UPP2: variants seen among roughly 807,000 people sequenced by gnomAD.
UPP2 encodes uridine phosphorylase 2.
Under a neutral mutation model 26.7 loss-of-function variants are expected in UPP2, and 23 were observed. The observed-to-expected ratio is 0.86, with a 90% CI of 0.62 to 1.22. The LOEUF (loss-of-function observed/expected upper bound fraction) is 1.22, where lower values mean the gene tolerates loss of function less well. UPP2 is among the 50% of genes most tolerant of loss of function. The probability of loss-of-function intolerance (pLI) is 0.00; values close to 1 mark genes in which losing one functional copy is unlikely to be tolerated. For synonymous variants in UPP2, 127 were observed against 141.3 expected, an observed-to-expected ratio of 0.90 and a Z score of 0.72; for missense variants, 387 against 396.7, an observed-to-expected ratio of 0.98 and a Z score of 0.21.
intron 3 of UPP2, among the ~76,000 whole-genome samples, chr2:158,041,853 A>C (rs558515846): frequency 1.3e-5 from 2 of 152,348 alleles, no homozygotes; most frequent in East Asian, 3.9e-4. Context: ...TTCAATTGCC[A>C]AGAATTTGAT....
intron 3 of UPP2, among the ~76,000 whole-genome samples, chr2:158,066,857 T>C (rs1682444140): frequency 6.6e-6 from 1 of 152,180 alleles, no homozygotes; most frequent in South Asian, 2.1e-4. Flanking sequence ...CTATTCATTA[T>C]TTTTAGCAAA....
At chr2:158,088,062 T>A (rs911826083) in intron 3 of UPP2, among the ~76,000 whole-genome samples, 1 of 152,226 alleles carries the variant, frequency 6.6e-6, no homozygotes, top group African/African-American at 2.4e-5. Context: ...TCTGTAATTA[T>A]TCTCTCAAAT....
At chr2:157,996,899 A>G in intron 2 of UPP2, among the ~76,000 whole-genome samples, 1 of 152,254 alleles carries the variant, frequency 6.6e-6, no homozygotes, top group East Asian at 1.9e-4. Flanking sequence ...ACATTTATTC[A>G]GTAATGCTAA....
In UPP2 at chr2:158,026,240, C is replaced by G. The variant is rs879399253; in HGVS notation, c.147+10354C>G. Among the ~76,000 whole-genome samples the G allele has an allele frequency of 5.9e-5, 9 of 152,182 alleles. No individual in the cohort carries two copies. The South Asian group carries it at 1.5e-3, about 25-fold the overall frequency. ...TTCTCTTATCCTCGCAGAGCAGCAT[C>G]GGGGGCTGAAAATTCCCAGAGCATT... On this transcript the variant is annotated intron_variant, in intron 3 of 9. Coordinates refer to the UPP2 transcript ENST00000605860.
intron 3 of UPP2, among the ~76,000 whole-genome samples, chr2:158,072,275 C>G (rs942150098): frequency 3.9e-5 from 6 of 152,030 alleles, no homozygotes; most frequent in Non-Finnish European, 8.8e-5. Flanking sequence ...ACAGGAAAGA[C>G]TTTGTTTTGT....
intron 4 of UPP2, 142 bp downstream of exon 4, chr2:158,118,080 A>G: frequency 1.5e-6 from 1 of 676,208 alleles, no homozygotes; most frequent in Non-Finnish European, 2.5e-6. Context: ...AGGAAACTTA[A>G]GGAAATCTGC....
intron 3 of UPP2, among the ~76,000 whole-genome samples, chr2:158,036,000 T>C (rs1574256464): frequency 6.6e-6 from 1 of 152,208 alleles, no homozygotes; most frequent in Non-Finnish European, 1.5e-5. Context: ...CTCCTGGAGA[T>C]GTTGTCACTC....
intron 3 of UPP2, among the ~76,000 whole-genome samples, chr2:158,085,842 G>A (rs574877573): frequency 6.6e-6 from 1 of 151,964 alleles, no homozygotes; most frequent in Non-Finnish European, 1.5e-5. Context: ...CTGCATCCCT[G>A]GTATGAAACC....
intron 3 of UPP2, among the ~76,000 whole-genome samples, chr2:158,062,804 T>C (rs1682373204): frequency 1.3e-5 from 2 of 152,222 alleles, no homozygotes; most frequent in African/African-American, 2.4e-5. Flanking sequence ...CCAGCTGAAC[T>C]ATAAGGGAGA....
In UPP2 at chr2:158,121,541, T is replaced by C; in HGVS notation, c.587T>C (p.Leu196Pro). Residue 196 changes from leucine to proline, a missense_variant, in exon 5 of 7, where the codon CTG becomes CCG. Transcript: ENST00000005756. ...TELDKELSEE[L>P]FNCSKEIPNF... ...CTGGACAAAGAACTGTCTGAAGAAC[T>C]GTTCAACTGTAGCAAAGAAATCCCC... 1 of 1,613,536 alleles carries C rather than the reference T, an allele frequency of 6.2e-7. No homozygotes were observed. Among genetic ancestry groups the C allele is most frequent in the Non-Finnish European group, 8.5e-7 (1 of 1,179,500 alleles).
chr2:158,044,130 A>T (rs1309796276), intron 3 of UPP2, among the ~76,000 whole-genome samples: 2 of 152,228 alleles, frequency 1.3e-5, no homozygotes, highest in African/African-American at 4.8e-5. Context: ...AAAGAAAATA[A>T]GTTGGATTGG....
At chr2:158,120,319 T>C (rs1456935387) in intron 4 of UPP2, among the ~76,000 whole-genome samples, 1 of 152,060 alleles carries the variant, frequency 6.6e-6, no homozygotes, top group Non-Finnish European at 1.5e-5. Flanking sequence ...AATATGTAAA[T>C]AAATGGGTGT....
chr2:158,042,926 A>G (rs1171863449), intron 3 of UPP2, among the ~76,000 whole-genome samples: 1 of 152,188 alleles, frequency 6.6e-6, no homozygotes, highest in Non-Finnish European at 1.5e-5. Context: ...TTTTCCTGCC[A>G]GGCCTGGGCC....
chr2:158,058,514 G>A (rs1374949036), intron 3 of UPP2, among the ~76,000 whole-genome samples: 1 of 151,506 alleles, frequency 6.6e-6, no homozygotes, highest in Non-Finnish European at 1.5e-5. Flanking sequence ...CTACAAGCTA[G>A]GAAGACAGGC....
Position 158,122,215 on chromosome 2 carries a change from T to C in UPP2, c.664+597T>C, listed in dbSNP as rs868413595. On this transcript the variant is annotated intron_variant, in intron 5 of 6. Coordinates refer to ENST00000005756, the MANE Select transcript of UPP2 (RefSeq NM_173355.4). The stretch of plus-strand genomic sequence containing the variant: ...TCAAAGACAGACCCCCGATTCTTTC[T>C]CGTCCCAGAAGAAAGAATCTACACA... 4.7e-5 allele frequency among the ~76,000 whole-genome samples: 7 copies of C among 150,414 alleles called. No homozygotes were observed. The South Asian group carries it at 1.1e-3, about 23-fold the overall frequency.
rs374812506 is a variant in UPP2, at chr2:158,102,867, G to A, written c.62+742G>A. Among the ~76,000 whole-genome samples the A allele has an allele frequency of 9.9e-5, 15 of 152,196 alleles. No homozygotes were observed. In the East Asian group the frequency reaches 1.5e-3, roughly 16 times the overall value. ...ATGTTCCCTTCTTCAGGGAAGCCCAGGAGAAAAAGAAAAGGAAAAATTATG... is the reference window on the plus strand; with the variant it reads ...ATGTTCCCTTCTTCAGGGAAGCCCAAGAGAAAAAGAAAAGGAAAAATTATG... On this transcript the variant is annotated intron_variant, in intron 1 of 6. Transcript: ENST00000005756.
chr2:158,135,069 A>G lies in UPP2; in HGVS notation c.*179A>G. On this transcript the variant is annotated 3_prime_UTR_variant, in exon 7 of 7. Transcript: ENST00000005756. ...TATTGTAAAAGAATACTCACACTAAATTAAATTCAAATTTCATTTTAGAAT... is the reference window on the plus strand; with the variant it reads ...TATTGTAAAAGAATACTCACACTAAGTTAAATTCAAATTTCATTTTAGAAT... 1.4e-6 allele frequency: 1 copy of G among 696,516 alleles called. No individual in the cohort carries two copies. The allele number at this position is 696,516 out of a possible 1,614,324, so 43.1% of individuals were successfully genotyped here. A position where few individuals can be genotyped will look rare whatever the true frequency, so the allele number is the denominator to read the frequency against.
intron 3 of UPP2, among the ~76,000 whole-genome samples, chr2:158,068,802 A>ATAT (rs1682488495): frequency 1.6e-4 from 3 of 18,898 alleles, no homozygotes; most frequent in Non-Finnish European, 2.6e-4. Flanking sequence ...ATATATATAT[A>ATAT]TTTTTTTTTT....
At position 158,130,238 on chromosome 2, in the gene UPP2, C is replaced by T. The variant is rs186900903; in HGVS notation, c.812-4510C>T. Among the ~76,000 whole-genome samples, 361 of 152,068 alleles carry T rather than the reference C, an allele frequency of 2.4e-3. 1 individual carries two copies. Among genetic ancestry groups the T allele is most frequent in the Non-Finnish European group, 2.7e-3 (184 of 67,990 alleles). On this transcript the variant is annotated intron_variant, in intron 6 of 6. Transcript: ENST00000005756. ...TGGGCAAATCACGAAGTCAGGAGAT[C>T]GAGACCATCCTGGCTAACATGGTGA...
Sources: allele counts gnomAD v4.1 joint callset (sites outside exome capture counted in the v4.1 genomes callset), GRCh38; gene constraint gnomAD v4.1.1; transcripts MANE v1.5; gene names NCBI Gene and HGNC (gene_info 2026-07-23, HGNC 2026-07-21).